The following OSBPL9 variants were observed in gnomAD, a reference collection of about 807,000 sequenced individuals.
The protein encoded by OSBPL9 is oxysterol-binding protein-related protein 9.
Under a neutral mutation model 106.6 loss-of-function variants are expected in OSBPL9, and 40 were observed. That is an observed-to-expected ratio of 0.38 (90% CI 0.29 to 0.49). The LOEUF (loss-of-function observed/expected upper bound fraction) is 0.49. Among genes scored for constraint, OSBPL9 ranks in the 20% least tolerant of loss-of-function variants. OSBPL9 has a pLI of 0.97. For missense variants in OSBPL9, 609 were observed against 887.2 expected (o/e 0.69, Z 3.98); for synonymous variants, 269 against 295.4 (o/e 0.91, Z 0.92).
At chr1:51,525,698 AG>A in the OSBPL9 span, among the ~76,000 whole-genome samples, 1 of 152,192 alleles carries the variant, frequency 6.6e-6, no homozygotes, top group African/African-American at 2.4e-5. Flanking sequence ...CCACTGCTAA[AG>A]TTTCTTAACC....
chr1:51,534,310 A>G, the OSBPL9 span, among the ~76,000 whole-genome samples: 27 of 151,882 alleles, frequency 1.8e-4, no homozygotes, highest in Non-Finnish European at 3.4e-4. Context: ...CTTAAGTCAT[A>G]TTAGGGAAGT....
At chr1:51,626,999 A>T (rs1419548875) in intron 1 of OSBPL9, among the ~76,000 whole-genome samples, 1 of 151,978 alleles carries the variant, frequency 6.6e-6, no homozygotes, top group Non-Finnish European at 1.5e-5. Flanking sequence ...GTTGTTGGTC[A>T]TGGTTTTTTT....
intron 8 of OSBPL9, among the ~76,000 whole-genome samples, chr1:51,752,246 C>G (rs544847992): frequency 2.0e-5 from 3 of 151,380 alleles, no homozygotes; most frequent in South Asian, 2.1e-4. Flanking sequence ...CCTCCACCCC[C>G]GCCCCCGGCT....
chr1:51,580,707 A>G (rs1645215454), intron 1 of OSBPL9, among the ~76,000 whole-genome samples: 1 of 151,688 alleles, frequency 6.6e-6, no homozygotes, highest in Non-Finnish European at 1.5e-5. Context: ...CTAATGGGAG[A>G]GGCAGGCAAA....
At chr1:51,714,142 T>C (rs1660611762) in intron 4 of OSBPL9, 63 bp downstream of exon 4, 6 of 1,311,048 alleles carry the variant, frequency 4.6e-6, no homozygotes, top group Admixed American at 2.3e-5. Context: ...TTTGTCTGTT[T>C]TCTGTTTTTT....
At chr1:51,523,936 A>G in the OSBPL9 span, among the ~76,000 whole-genome samples, 3 of 151,748 alleles carry the variant, frequency 2.0e-5, no homozygotes, top group South Asian at 2.1e-4. Flanking sequence ...GAAACTATGG[A>G]AAAAAAAACT....
chr1:51,749,549 G>T (rs77172317), intron 7 of OSBPL9: 6 of 408,570 alleles, frequency 1.5e-5, no homozygotes, highest in Middle Eastern at 3.6e-4. Context: ...AGCCTCAAGC[G>T]ATCCTCCTTC....
the OSBPL9 span, among the ~76,000 whole-genome samples, chr1:51,534,242 G>A: frequency 6.6e-6 from 1 of 150,922 alleles, no homozygotes; most frequent in Non-Finnish European, 1.5e-5. Context: ...ATCATGTTAT[G>A]AAGTCATACT....
At chr1:51,728,185 T>C (rs1663479341) in intron 4 of OSBPL9, among the ~76,000 whole-genome samples, 1 of 152,240 alleles carries the variant, frequency 6.6e-6, no homozygotes, top group Non-Finnish European at 1.5e-5. Context: ...TTGTTAAATA[T>C]TGAATTGTAT....
rs1369665717 is a variant in OSBPL9, at chr1:51,788,482, A to ATTATC, written c.*696_*700dup. The stretch of plus-strand genomic sequence containing the variant: ...TTTTTTTTAAAAATGTGCATCTTTT[A>ATTATC]TTATCTTTTATGGTTAAACTTGGAA... On this transcript the variant is annotated 3_prime_UTR_variant, in exon 24 of 24. Transcript: ENST00000428468. The ATTATC allele has an allele frequency of 2.6e-5, 4 of 152,482 alleles. No individual in the cohort carries two copies. The highest frequency in any genetic ancestry group is 9.7e-5 in the African/African-American group (4 of 41,394). 9.4% of individuals were successfully genotyped at this position (152,482 alleles called of 1,614,324 possible). A position where few individuals can be genotyped will look rare whatever the true frequency, so the allele number is the denominator to read the frequency against.
At chr1:51,632,501 A>G (rs1291500810) in intron 1 of OSBPL9, among the ~76,000 whole-genome samples, 1 of 122,742 alleles carries the variant, frequency 8.1e-6, no homozygotes, top group Admixed American at 7.9e-5. Flanking sequence ...GAATGATGAT[A>G]AACCTGTTAT....
At chr1:51,536,296 G>GT in the OSBPL9 span, among the ~76,000 whole-genome samples, 2 of 151,690 alleles carry the variant, frequency 1.3e-5, no homozygotes, top group South Asian at 2.1e-4. Flanking sequence ...TTTTAAAAAG[G>GT]TTTTTTTTCT....
Position 51,761,687 on chromosome 1 carries a change from A to G in OSBPL9, c.674-180A>G, listed in dbSNP as rs139922323. 2.3e-3 allele frequency among the ~76,000 whole-genome samples: 354 copies of G among 152,298 alleles called. 1 individual carries two copies. The highest frequency in any genetic ancestry group is 8.2e-3 in the African/African-American group (339 of 41,562). Reference sequence around the variant, plus strand: ...CTGGTATCTTAGTACTCTGTAGCCTATCATCATTGAGTTTAAGAGGCTAGG... The same window carrying G: ...CTGGTATCTTAGTACTCTGTAGCCTGTCATCATTGAGTTTAAGAGGCTAGG... On this transcript the variant is annotated intron_variant, in intron 10 of 23. Coordinates refer to ENST00000428468, the MANE Select transcript of OSBPL9 (RefSeq NM_024586.6).
At chr1:51,535,212 G>A in the OSBPL9 span, among the ~76,000 whole-genome samples, 2 of 152,192 alleles carry the variant, frequency 1.3e-5, no homozygotes, top group South Asian at 2.1e-4. Flanking sequence ...TGGCCCAAAT[G>A]TCTTTTCCTG....
intron 3 of OSBPL9, among the ~76,000 whole-genome samples, chr1:51,685,732 C>T (rs1653644116): frequency 1.3e-5 from 2 of 152,160 alleles, no homozygotes; most frequent in Non-Finnish European, 2.9e-5. Flanking sequence ...TGAACCTCCT[C>T]CATTAACCTC....
chr1:51,599,829 A>G (rs958546615), intron 2 of OSBPL9, among the ~76,000 whole-genome samples: 2 of 152,200 alleles, frequency 1.3e-5, no homozygotes, highest in African/African-American at 4.8e-5. Context: ...AAGAACAGAA[A>G]TTTATTTCTC....
At chr1:51,728,779 C>A (rs1663621085) in intron 4 of OSBPL9, among the ~76,000 whole-genome samples, 2 of 152,192 alleles carry the variant, frequency 1.3e-5, no homozygotes, top group African/African-American at 4.8e-5. Context: ...CCAGCCTCCG[C>A]CTCCCAAAGT....
intron 3 of OSBPL9, chr1:51,709,098 T>A (rs1219972106): frequency 1.3e-5 from 2 of 152,188 alleles, no homozygotes; most frequent in Non-Finnish European, 2.9e-5. Context: ...TGTCAAGGAC[T>A]TACTGGCCGG....
chr1:51,633,120 C>G (rs2148657768), intron 1 of OSBPL9, among the ~76,000 whole-genome samples: 1 of 152,044 alleles, frequency 6.6e-6, no homozygotes, highest in Admixed American at 6.5e-5. Flanking sequence ...CCACGCCTGG[C>G]TAATTTTTTT....
Sources: gnomAD v4.1 joint callset for allele counts (sites outside exome capture counted in the v4.1 genomes callset) on GRCh38, gnomAD v4.1.1 for gene constraint, MANE v1.5 for transcripts, NCBI Gene and HGNC (gene_info 2026-07-23, HGNC 2026-07-21) for gene names.